Variants in MLXIP observed in about 807,000 individuals in gnomAD.
The protein encoded by MLXIP is MLX-interacting protein.
In MLXIP, 30 loss-of-function variants were observed where a neutral mutation model predicts 87.2. The observed-to-expected ratio is 0.34, with a 90% CI of 0.26 to 0.47. The LOEUF (loss-of-function observed/expected upper bound fraction) is 0.47. MLXIP is among the 20% of genes least tolerant of loss of function. MLXIP has a pLI of 1.00. For missense variants in MLXIP, 1,002 were observed against 1,240.1 expected, an observed-to-expected ratio of 0.81 and a Z score of 2.88; for synonymous variants, 530 against 514.0, an observed-to-expected ratio of 1.03 and a Z score of -0.42.
chr12:122,078,865 C>A lies in MLXIP; in HGVS notation c.12C>A (p.Asp4Glu). The change falls in exon 1 of 17, where the codon GAC becomes GAA. Residue 4 changes from aspartate to glutamate, a missense_variant. Physicochemically the swap from Asp to Glu is conservative, Grantham distance 45 (BLOSUM62 2). Coordinates refer to ENST00000319080, the MANE Select transcript of MLXIP (RefSeq NM_014938.6). MAA[D>E]VFMCSPRRPR... ...GCCGAGCCCTTCTCATGGCCGCCGACGTCTTCATGTGCTCCCCGCGCCGGC... is the reference window on the plus strand; with the variant it reads ...GCCGAGCCCTTCTCATGGCCGCCGAAGTCTTCATGTGCTCCCCGCGCCGGC... 1 of 1,101,446 alleles carries A rather than the reference C, an allele frequency of 9.1e-7. No individual in the cohort carries two copies. Among genetic ancestry groups the A allele is most frequent in the Non-Finnish European group, 1.1e-6 (1 of 903,042 alleles). The allele number at this position is 1,101,446 out of a possible 1,614,324, so 68.2% of individuals were successfully genotyped here. A position where few individuals can be genotyped will look rare whatever the true frequency, so the allele number is the denominator to read the frequency against.
chr12:122,140,525 C>G (rs911964859), intron 15 of MLXIP, among the ~76,000 whole-genome samples: 1 of 152,106 alleles, frequency 6.6e-6, no homozygotes, highest in Non-Finnish European at 1.5e-5. Context: ...AACTCCTGAC[C>G]TCAAGTGATT....
intron 1 of MLXIP, among the ~76,000 whole-genome samples, chr12:122,095,448 T>A (rs1952337501): frequency 6.6e-6 from 1 of 152,062 alleles, no homozygotes; most frequent in African/African-American, 2.4e-5. Context: ...TTAAGTGCCT[T>A]AGCATAGGCC....
At chr12:122,080,639 C>T (rs556159645) in intron 1 of MLXIP, among the ~76,000 whole-genome samples, 4 of 152,294 alleles carry the variant, frequency 2.6e-5, no homozygotes, top group African/African-American at 7.2e-5. Flanking sequence ...CCCCCTTACC[C>T]GGCACATTGG....
At chr12:122,139,902 G>T (rs1193663185) in intron 15 of MLXIP, among the ~76,000 whole-genome samples, 1 of 152,226 alleles carries the variant, frequency 6.6e-6, no homozygotes, top group Non-Finnish European at 1.5e-5. Context: ...CCAAACTCCT[G>T]ACCTCAGGTG....
chr12:122,096,065 C>T (rs984492173), intron 1 of MLXIP, among the ~76,000 whole-genome samples: 1 of 151,790 alleles, frequency 6.6e-6, no homozygotes, highest in African/African-American at 2.4e-5. Flanking sequence ...CTCCAAGCCA[C>T]AAAATATCCA....
chr12:122,097,613 T>TA (rs373093831), intron 1 of MLXIP, among the ~76,000 whole-genome samples: 74,353 of 140,448 alleles, frequency 0.53, 19,908 homozygotes, highest in African/African-American at 0.67. Context: ...ACCCTGCCTC[T>TA]AAAAAAAAAA....
Position 122,132,338 on chromosome 12 carries a change from A to G in MLXIP, c.1047A>G (p.Ala349=), listed in dbSNP as rs757410458. The part of the protein sequence containing the change: ...SRSIFGSMLP[A]SASAPVPDPN... The stretch of plus-strand genomic sequence containing the variant: ...CCATTTTTGGCTCCATGCTACCTGC[A>G]TCTGCCTCAGCACCTGTACCAGATC... The change falls in exon 8 of 17, where the codon GCA becomes GCG. Residue 349 remains alanine (A), a synonymous_variant. Transcript: ENST00000319080. The G allele has an allele frequency of 4.3e-6, 7 of 1,613,384 alleles. No individual in the cohort carries two copies. Among genetic ancestry groups the G allele is most frequent in the Non-Finnish European group, 5.1e-6 (6 of 1,179,662 alleles).
At chr12:122,095,297 T>TG (rs1241394748) in intron 1 of MLXIP, among the ~76,000 whole-genome samples, 6,926 of 151,540 alleles carry the variant, frequency 0.046, 508 homozygotes, top group African/African-American at 0.16. Context: ...GTTGTGTGTG[T>TG]GGGGGGGTGT....
At chr12:122,139,304 G>A (rs879853421) in intron 15 of MLXIP, among the ~76,000 whole-genome samples, 3 of 152,214 alleles carry the variant, frequency 2.0e-5, no homozygotes, top group Non-Finnish European at 2.9e-5. Context: ...CACAGGGAGG[G>A]TGAGTGCCAC....
intron 1 of MLXIP, among the ~76,000 whole-genome samples, chr12:122,087,305 T>TG (rs1317108054): frequency 1.3e-5 from 2 of 151,942 alleles, no homozygotes; most frequent in Non-Finnish European, 2.9e-5. Flanking sequence ...GGGACTTCCA[T>TG]GCTAGTGGGG....
intron 8 of MLXIP, 56 bp downstream of exon 8, chr12:122,132,439 A>G (rs1191596267): frequency 2.1e-5 from 29 of 1,411,380 alleles, no homozygotes; most frequent in Non-Finnish European, 2.4e-5. Flanking sequence ...AGGGCTGCTC[A>G]TCAAAGGTTT....
chr12:122,088,039 G>A (rs896598751), intron 1 of MLXIP, among the ~76,000 whole-genome samples: 6 of 152,326 alleles, frequency 3.9e-5, no homozygotes, highest in Non-Finnish European at 7.4e-5. Flanking sequence ...ACAAAGCTCG[G>A]CTGCCTGGGG....
At chr12:122,107,780 C>T (rs905885854) in intron 1 of MLXIP, among the ~76,000 whole-genome samples, 1 of 151,684 alleles carries the variant, frequency 6.6e-6, no homozygotes, top group Non-Finnish European at 1.5e-5. Flanking sequence ...GTGTCTTTTC[C>T]GAGTTGGCCC....
Position 122,135,468 on chromosome 12 carries a change from C to T in MLXIP, c.1855-21C>T. ...CTGTATATCAGCAGTCAGGGGTGACCTGTCTCCCATGTCACTGCAGGCTCC... is the reference window on the plus strand; with the variant it reads ...CTGTATATCAGCAGTCAGGGGTGACTTGTCTCCCATGTCACTGCAGGCTCC... On this transcript the variant is annotated intron_variant, in intron 10 of 16. Coordinates refer to ENST00000319080, the MANE Select transcript of MLXIP (RefSeq NM_014938.6). The surrounding 1 kb of genome is among the most constrained non-coding windows in gnomAD (Gnocchi z 5.3). 2 of 1,609,448 alleles carry T rather than the reference C, an allele frequency of 1.2e-6. No homozygotes were observed. The highest frequency in any genetic ancestry group is 2.2e-5 in the South Asian group (2 of 90,342).
In MLXIP at chr12:122,143,802, C is replaced by T. The variant is rs1169888254; in HGVS notation, c.*1990C>T. The T allele has an allele frequency of 3.9e-5, 6 of 152,230 alleles. No individual in the cohort carries two copies. Among genetic ancestry groups the T allele is most frequent in the Non-Finnish European group, 8.8e-5 (6 of 68,050 alleles). The allele number at this position is 152,230 out of a possible 1,614,324, so 9.4% of individuals were successfully genotyped here. A position where few individuals can be genotyped will look rare whatever the true frequency, so the allele number is the denominator to read the frequency against. ...AAAATCTGTGGGATATAAAATTGGC[C>T]TCCTGCTGCTTCAGCCTACCTCTCC... is the stretch of plus-strand genomic sequence containing the variant. On this transcript the variant is annotated 3_prime_UTR_variant, in exon 17 of 17. Coordinates refer to ENST00000319080, the MANE Select transcript of MLXIP (RefSeq NM_014938.6).
chr12:122,132,246 A>G, intron 7 of MLXIP, 46 bp from the exon 8 acceptor site: 1 of 1,462,928 alleles, frequency 6.8e-7, no homozygotes, highest in South Asian at 1.2e-5. Context: ...ATTCCAGCAA[A>G]TGCTGGGCAC....
intron 1 of MLXIP, among the ~76,000 whole-genome samples, chr12:122,120,406 G>A (rs1347102816): frequency 6.6e-6 from 1 of 151,968 alleles, no homozygotes; most frequent in Non-Finnish European, 1.5e-5. Flanking sequence ...GATTTTTTGT[G>A]GAGATGGTGG....
chr12:122,130,024 A>G lies in MLXIP; in HGVS notation c.822A>G (p.Thr274=). 6.2e-7 allele frequency: 1 copy of G among 1,614,018 alleles called. No homozygotes were observed. Among genetic ancestry groups the G allele is most frequent in the Non-Finnish European group, 8.5e-7 (1 of 1,179,880 alleles). ...VPMEEDPLLD[T]DMLMSEFSDT... ...TGGAGGAGGATCCCCTGCTGGACAC[A>G]GACATGCTCATGTCGGAATTCAGCG... Residue 274 remains threonine, a synonymous_variant, in exon 6 of 17, where the codon ACA becomes ACG. Transcript: ENST00000319080.
intron 1 of MLXIP, among the ~76,000 whole-genome samples, chr12:122,099,444 G>A (rs1230004379): frequency 1.3e-5 from 2 of 152,110 alleles, no homozygotes; most frequent in Non-Finnish European, 2.9e-5. Flanking sequence ...TCCAGGCATC[G>A]TGCTGCGCAC....
Sources: allele counts gnomAD v4.1 joint callset (sites outside exome capture counted in the v4.1 genomes callset), GRCh38; gene constraint gnomAD v4.1.1; non-coding constraint Gnocchi (gnomAD v3.1); transcripts MANE v1.5; gene names NCBI Gene and HGNC (gene_info 2026-07-23, HGNC 2026-07-21).